Variants in ZBTB20 observed in about 807,000 individuals in gnomAD.
ZBTB20 encodes zinc finger and BTB domain containing 20.
ZBTB20 carries 9 observed loss-of-function variants against 56.9 expected under a neutral mutation model. That is an observed-to-expected ratio of 0.16 (90% CI 0.10 to 0.28). The LOEUF (loss-of-function observed/expected upper bound fraction) is 0.28. ZBTB20 is among the 10% of genes least tolerant of loss of function. ZBTB20 has a pLI of 1.00. For missense variants in ZBTB20, 655 were observed against 1,003.0 expected, an observed-to-expected ratio of 0.65 and a Z score of 4.69; for synonymous variants, 417 against 420.7, an observed-to-expected ratio of 0.99 and a Z score of 0.11.
rs905557942 is a variant in ZBTB20 at position 114,684,871 on chromosome 3, C to T, written c.-295+8657G>A. On this transcript the variant is annotated intron_variant, in intron 6 of 11. Transcript: ENST00000675478. ...TCCCTTTGACAATGAGTGGGCAGGCCTTTAAAAAAAAGTCTGAAAAAATAA... is the reference window on the plus strand; with the variant it reads ...TCCCTTTGACAATGAGTGGGCAGGCTTTTAAAAAAAAGTCTGAAAAAATAA... Among the ~76,000 whole-genome samples, 33 of 151,896 alleles carry T rather than the reference C, an allele frequency of 2.2e-4. 1 individual carries two copies. Among genetic ancestry groups the T allele is most frequent in the Admixed American group, 1.8e-3 (28 of 15,222 alleles).
rs1347448741 is a variant in ZBTB20, at chr3:114,333,234, T to C, written c.*5771A>G. On this transcript the variant is annotated 3_prime_UTR_variant, in exon 12 of 12. Coordinates refer to ENST00000675478, the MANE Select transcript of ZBTB20 (RefSeq NM_001348800.3). ...ACCACAGCCTTTTTTCTTGTAAAGG[T>C]TTAAGTGATATCAGAAATAGCAACT... 1 of 152,138 alleles carries C rather than the reference T, an allele frequency of 6.6e-6. No homozygotes were observed. Among genetic ancestry groups the C allele is most frequent in the African/African-American group, 2.4e-5 (1 of 41,410 alleles). 9.4% of individuals were successfully genotyped at this position (152,138 alleles called of 1,614,324 possible).
At chr3:114,937,797 T>C (rs1420828072) in intron 3 of ZBTB20, among the ~76,000 whole-genome samples, 4 of 152,046 alleles carry the variant, frequency 2.6e-5, no homozygotes, top group Non-Finnish European at 4.4e-5. Context: ...TTTCTTCTTG[T>C]AAATTTGTTT....
chr3:114,550,000 C>T (rs371118173), intron 6 of ZBTB20, among the ~76,000 whole-genome samples: 4 of 151,912 alleles, frequency 2.6e-5, no homozygotes, highest in South Asian at 2.1e-4. Context: ...TGCAGTGGCG[C>T]GATCTCAGCT....
intron 7 of ZBTB20, among the ~76,000 whole-genome samples, chr3:114,478,217 C>T (rs1031001998): frequency 7.2e-5 from 11 of 152,138 alleles, no homozygotes; most frequent in Admixed American, 2.0e-4. Flanking sequence ...CCGCCTGCCT[C>T]GGCCTCCCAA....
chr3:115,002,255 G>A (rs2108218635), intron 2 of ZBTB20, among the ~76,000 whole-genome samples: 1 of 151,572 alleles, frequency 6.6e-6, no homozygotes, highest in East Asian at 2.0e-4. Context: ...AATGTACAAT[G>A]CAAAACTGTA....
rs866649957 is a variant in ZBTB20 at position 114,989,761 on chromosome 3, G to A, written c.-506-15345C>T. Among the ~76,000 whole-genome samples the A allele has an allele frequency of 2.8e-4, 42 of 152,064 alleles. 1 individual carries two copies. The Middle Eastern group carries it at 0.024, about 86-fold the overall frequency. On this transcript the variant is annotated intron_variant, in intron 2 of 11. Transcript: ENST00000675478. ...ATGGAATGTTCTTCCATTTGTTTGT[G>A]TCCTCTTTTATTTCGTTGAGCAGTG... is the stretch of plus-strand genomic sequence containing the variant.
chr3:115,040,970 A>G (rs1347203271), intron 2 of ZBTB20, among the ~76,000 whole-genome samples: 9 of 152,168 alleles, frequency 5.9e-5, no homozygotes, highest in Admixed American at 3.3e-4. Flanking sequence ...CAAAAATCCC[A>G]TTAAATGAAT....
intron 6 of ZBTB20, among the ~76,000 whole-genome samples, chr3:114,516,452 G>A (rs1003699233): frequency 3.3e-5 from 5 of 152,162 alleles, no homozygotes; most frequent in African/African-American, 1.2e-4. Flanking sequence ...AAATCTATAC[G>A]TTATTTTGAG....
chr3:114,623,762 C>G (rs966143603), intron 6 of ZBTB20, among the ~76,000 whole-genome samples: 1 of 152,130 alleles, frequency 6.6e-6, no homozygotes, highest in Admixed American at 6.5e-5. Flanking sequence ...ATTCCACTTT[C>G]ACTTCCCCCA....
At chr3:114,852,453 G>A (rs1368071123) in intron 4 of ZBTB20, among the ~76,000 whole-genome samples, 3 of 151,496 alleles carry the variant, frequency 2.0e-5, no homozygotes, top group Non-Finnish European at 2.9e-5. Flanking sequence ...TAGTAGAGAG[G>A]GGGTTTCACC....
intron 4 of ZBTB20, among the ~76,000 whole-genome samples, chr3:114,829,424 G>C (rs970109480): frequency 6.6e-5 from 10 of 151,792 alleles, no homozygotes; most frequent in Non-Finnish European, 1.0e-4. Context: ...AAAACATTTA[G>C]TCTGAGTTTC....
chr3:114,977,427 C>G (rs1447808327), intron 2 of ZBTB20, among the ~76,000 whole-genome samples: 1 of 152,048 alleles, frequency 6.6e-6, no homozygotes, highest in Non-Finnish European at 1.5e-5. Flanking sequence ...AGCAAAGAAG[C>G]AGAGAACAAG....
At chr3:114,640,025 A>C (rs1189946034) in intron 6 of ZBTB20, among the ~76,000 whole-genome samples, 1 of 151,902 alleles carries the variant, frequency 6.6e-6, no homozygotes, top group Non-Finnish European at 1.5e-5. Flanking sequence ...TTTTTTTATC[A>C]ATTACTAACT....
At chr3:114,717,016 A>T (rs768177744) in intron 5 of ZBTB20, among the ~76,000 whole-genome samples, 2 of 152,150 alleles carry the variant, frequency 1.3e-5, no homozygotes, top group South Asian at 4.1e-4. Flanking sequence ...AGAGCAGAAC[A>T]TGGTAGGAAG....
intron 5 of ZBTB20, among the ~76,000 whole-genome samples, chr3:114,780,396 T>C (rs2069991697): frequency 6.6e-6 from 1 of 152,256 alleles, no homozygotes; most frequent in Non-Finnish European, 1.5e-5. Context: ...GGCTTTTTCA[T>C]TGGTGCAGAG....
chr3:114,790,039 A>G (rs976493045), intron 5 of ZBTB20, among the ~76,000 whole-genome samples: 38 of 152,080 alleles, frequency 2.5e-4, no homozygotes, highest in African/African-American at 8.4e-4. Context: ...ATTTTCATTA[A>G]CAAGAACTAG....
chr3:114,842,390 A>C (rs1405343409), intron 4 of ZBTB20, among the ~76,000 whole-genome samples: 1 of 151,988 alleles, frequency 6.6e-6, no homozygotes, highest in African/African-American at 2.4e-5. Flanking sequence ...AGAGCTTCCA[A>C]CCTCCCTCAT....
At chr3:114,803,782 T>G (rs373476456) in intron 4 of ZBTB20, among the ~76,000 whole-genome samples, 1 of 9,232 alleles carries the variant, frequency 1.1e-4, no homozygotes, top group Non-Finnish European at 3.5e-3. Flanking sequence ...ACTTTCTGTT[T>G]TTTTTTTTTT....
intron 11 of ZBTB20, among the ~76,000 whole-genome samples, chr3:114,348,259 C>T (rs979713675): frequency 1.3e-5 from 2 of 152,152 alleles, no homozygotes; most frequent in Admixed American, 1.3e-4. Flanking sequence ...TAAGGAGATA[C>T]TTTCACAGAT....
Sources: gnomAD v4.1 joint callset for allele counts (sites outside exome capture counted in the v4.1 genomes callset) on GRCh38, gnomAD v4.1.1 for gene constraint, MANE v1.5 for transcripts, NCBI Gene and HGNC (gene_info 2026-07-23, HGNC 2026-07-21) for gene names.